Variants in NCKAP5 observed in about 807,000 individuals in gnomAD.
NCKAP5 encodes the protein nck-associated protein 5.
NCKAP5 carries 92 observed loss-of-function variants against 167.0 expected under a neutral mutation model. That is an observed-to-expected ratio of 0.55 (90% CI 0.47 to 0.66). The LOEUF (loss-of-function observed/expected upper bound fraction) is 0.66, where lower values mean the gene tolerates loss of function less well. NCKAP5 is among the 30% of genes least tolerant of loss of function. The pLI is 0.00. For synonymous variants in NCKAP5, 891 were observed against 877.4 expected, an observed-to-expected ratio of 1.02 and a Z score of -0.27; for missense variants, 2,378 against 2,315.0, an observed-to-expected ratio of 1.03 and a Z score of -0.56.
At chr2:132,981,186 A>G (rs4953865) in intron 7 of NCKAP5, among the ~76,000 whole-genome samples, 50,143 of 152,232 alleles carry the variant, frequency 0.33, 10,781 homozygotes, top group Non-Finnish European at 0.48. Context: ...TGGAATCATC[A>G]TGAATGAGAT....
intron 4 of NCKAP5, among the ~76,000 whole-genome samples, chr2:133,281,869 G>A (rs1419644871): frequency 6.6e-6 from 1 of 152,172 alleles, no homozygotes; most frequent in Non-Finnish European, 1.5e-5. Context: ...AGAGCTGCTG[G>A]TTGCCATGCA....
At chr2:133,571,750 A>G (rs1191235043), upstream of NCKAP5, among the ~76,000 whole-genome samples, 1 of 152,180 alleles carries the variant, frequency 6.6e-6, no homozygotes, top group African/African-American at 2.4e-5. Flanking sequence ...CAAGGGACCT[A>G]CAAGGACCAT....
intron 3 of NCKAP5, among the ~76,000 whole-genome samples, chr2:133,367,503 G>GT (rs1413154403): frequency 1.3e-5 from 2 of 152,128 alleles, no homozygotes; most frequent in Non-Finnish European, 2.9e-5. Flanking sequence ...TGTTGTTGTT[G>GT]TTTTTTCAAA....
intron 6 of NCKAP5, among the ~76,000 whole-genome samples, chr2:133,114,421 C>A (rs545377588): frequency 6.6e-6 from 1 of 152,262 alleles, no homozygotes; most frequent in South Asian, 2.1e-4. Context: ...ATCACACAAG[C>A]ATATCTTTTC....
At chr2:132,862,650 C>T (rs997830430) in intron 10 of NCKAP5, among the ~76,000 whole-genome samples, 4 of 151,694 alleles carry the variant, frequency 2.6e-5, no homozygotes, top group Non-Finnish European at 5.9e-5. Context: ...GTCCCAGCTA[C>T]TCGGGAGGCT....
intron 3 of NCKAP5, among the ~76,000 whole-genome samples, chr2:133,434,925 TGAGA>T (rs1338115297): frequency 6.6e-6 from 1 of 152,150 alleles, no homozygotes; most frequent in African/African-American, 2.4e-5. Flanking sequence ...GAATGAATAA[TGAGA>T]GAGCAATGAA....
intron 7 of NCKAP5, among the ~76,000 whole-genome samples, chr2:132,969,032 C>T (rs563786135): frequency 3.9e-5 from 6 of 152,194 alleles, no homozygotes; most frequent in African/African-American, 1.4e-4. Context: ...TAAAATATCA[C>T]TGACTTATTT....
At chr2:133,434,560 A>G (rs1341198805) in intron 3 of NCKAP5, among the ~76,000 whole-genome samples, 1 of 152,224 alleles carries the variant, frequency 6.6e-6, no homozygotes, top group South Asian at 2.1e-4. Flanking sequence ...TATAGTGACA[A>G]TATCTATCTC....
chr2:133,189,180 C>A (rs1270959922), intron 5 of NCKAP5, among the ~76,000 whole-genome samples: 1 of 152,124 alleles, frequency 6.6e-6, no homozygotes, highest in Non-Finnish European at 1.5e-5. Context: ...ACCAGAAAAT[C>A]TAGAAGAAAT....
chr2:132,750,926 T>C (rs1217074980), intron 16 of NCKAP5, among the ~76,000 whole-genome samples: 1 of 152,216 alleles, frequency 6.6e-6, no homozygotes, highest in South Asian at 2.1e-4. Flanking sequence ...TGTGGGGTCC[T>C]GAGGATTGCA....
At chr2:133,272,612 T>C (rs1432087238) in intron 4 of NCKAP5, among the ~76,000 whole-genome samples, 1 of 152,196 alleles carries the variant, frequency 6.6e-6, no homozygotes, top group Non-Finnish European at 1.5e-5. Context: ...AGATAAAATT[T>C]ACCCAAGTTG....
At chr2:133,508,185 T>A (rs563934167) in intron 3 of NCKAP5, among the ~76,000 whole-genome samples, 1 of 152,290 alleles carries the variant, frequency 6.6e-6, no homozygotes, top group East Asian at 1.9e-4. Context: ...ATTTCTCATG[T>A]ATAAGCCAGG....
intron 3 of NCKAP5, among the ~76,000 whole-genome samples, chr2:133,511,379 C>T (rs561155874): frequency 7.2e-5 from 11 of 152,300 alleles, no homozygotes; most frequent in Admixed American, 5.9e-4. Flanking sequence ...ACCCGGAGAT[C>T]TGCACTGTTG....
At chr2:132,814,625 G>A (rs1045012479) in intron 11 of NCKAP5, among the ~76,000 whole-genome samples, 4 of 152,044 alleles carry the variant, frequency 2.6e-5, no homozygotes, top group African/African-American at 9.6e-5. Flanking sequence ...CATATTAGAG[G>A]AAGCTTCTGG....
intron 19 of NCKAP5, among the ~76,000 whole-genome samples, chr2:132,696,628 G>T (rs777294788): frequency 1.3e-5 from 2 of 152,154 alleles, no homozygotes; most frequent in Admixed American, 6.5e-5. Context: ...TTTTCACTCG[G>T]ATCATTAGCA....
intron 8 of NCKAP5, among the ~76,000 whole-genome samples, chr2:132,934,155 CT>C (rs1427304952): frequency 6.6e-6 from 1 of 152,204 alleles, no homozygotes; most frequent in Non-Finnish European, 1.5e-5. Flanking sequence ...AGTCAGAAAT[CT>C]TGCCCTGAGG....
At chr2:133,032,833 G>A (rs1450186029) in intron 6 of NCKAP5, among the ~76,000 whole-genome samples, 1 of 152,172 alleles carries the variant, frequency 6.6e-6, no homozygotes, top group Non-Finnish European at 1.5e-5. Context: ...ATGGTAGAAA[G>A]GCAAAGGGGA....
chr2:132,948,569 A>G lies in NCKAP5; in HGVS notation c.579+15151T>C, dbSNP rs114075827. ...GGTTTGGGGCCCTAATTTGAGTCCA[A>G]AAGGTGGAATGGCAAATGGTAACAA... On this transcript the variant is annotated intron_variant, in intron 8 of 19. Transcript: ENST00000409261. 3.1e-3 allele frequency among the ~76,000 whole-genome samples: 478 copies of G among 152,316 alleles called. 4 individuals are homozygous for G. The highest frequency in any genetic ancestry group is 0.011 in the African/African-American group (462 of 41,570).
At chr2:133,517,657 A>G (rs1007210872) in intron 2 of NCKAP5, 70 bp from the exon 3 acceptor site, 9 of 471,608 alleles carry the variant, frequency 1.9e-5, no homozygotes, top group Admixed American at 1.7e-4. Context: ...TAACTCTCTA[A>G]CCAGAAACAA....
Sources: allele counts gnomAD v4.1 joint callset (sites outside exome capture counted in the v4.1 genomes callset), GRCh38; gene constraint gnomAD v4.1.1; transcripts MANE v1.5; gene names NCBI Gene and HGNC (gene_info 2026-07-23, HGNC 2026-07-21).